RABGAP1L: variants seen among roughly 807,000 people sequenced by gnomAD.
RABGAP1L encodes rab GTPase-activating protein 1-like.
In RABGAP1L, 63 loss-of-function variants were observed where a neutral mutation model predicts 137.7. The ratio of observed to expected loss-of-function variants is 0.46; its 90% CI spans 0.37 to 0.56. The LOEUF is 0.56. RABGAP1L is among the 20% of genes least tolerant of loss of function. RABGAP1L has a pLI of 0.00. For missense variants in RABGAP1L, 1,095 were observed against 1,244.0 expected (o/e 0.88, Z 1.80); for synonymous variants, 431 against 433.7 (o/e 0.99, Z 0.08).
intron 11 of RABGAP1L, among the ~76,000 whole-genome samples, chr1:174,317,366 C>T (rs538151284): frequency 6.9e-4 from 105 of 152,024 alleles, no homozygotes; most frequent in African/African-American, 2.2e-3. Context: ...AGGTGATGAA[C>T]GCTGCTGGGA....
rs943921940 is a variant in RABGAP1L, at chr1:174,893,775, G to A, written c.2341-63682G>A. On this transcript the variant is annotated intron_variant, in intron 19 of 25. Transcript: ENST00000681986. ...GGAGGTTAACTTTTCATACTCAAAA[G>A]CTCTCTTCTGGAAGAATCCTAATAT... is the stretch of plus-strand genomic sequence containing the variant. Among the ~76,000 whole-genome samples, 10 of 152,184 alleles carry A rather than the reference G, an allele frequency of 6.6e-5. No homozygotes were observed. In the East Asian group the frequency reaches 1.7e-3, roughly 26 times the overall value.
At chr1:174,362,133 A>C (rs115600452) in intron 11 of RABGAP1L, among the ~76,000 whole-genome samples, 2,299 of 152,230 alleles carry the variant, frequency 0.015, 29 homozygotes, top group Middle Eastern at 0.065. Context: ...TTATGGCTAC[A>C]TATTATTCCA....
At chr1:174,668,322 A>G (rs1039884178) in intron 14 of RABGAP1L, among the ~76,000 whole-genome samples, 1 of 152,106 alleles carries the variant, frequency 6.6e-6, no homozygotes, top group East Asian at 1.9e-4. Flanking sequence ...AATGAGGTCA[A>G]CTTTTTTTTA....
intron 12 of RABGAP1L, among the ~76,000 whole-genome samples, chr1:174,391,075 A>ACC (rs1687176657): frequency 6.6e-6 from 1 of 152,182 alleles, no homozygotes; most frequent in African/African-American, 2.4e-5. Context: ...AGCCAAGGGA[A>ACC]ACAGATTGGT....
At chr1:174,316,117 A>G (rs903406739) in intron 11 of RABGAP1L, among the ~76,000 whole-genome samples, 2 of 152,130 alleles carry the variant, frequency 1.3e-5, no homozygotes, top group African/African-American at 4.8e-5. Context: ...TTATATTTCT[A>G]TGATAGATTT....
chr1:174,626,171 A>G (rs1399523654), intron 13 of RABGAP1L, among the ~76,000 whole-genome samples: 1 of 152,168 alleles, frequency 6.6e-6, no homozygotes, highest in African/African-American at 2.4e-5. Context: ...GCATATCCAA[A>G]TGTGACCACA....
intron 19 of RABGAP1L, among the ~76,000 whole-genome samples, chr1:174,932,644 G>T (rs188138314): frequency 1.3e-5 from 2 of 152,166 alleles, no homozygotes; most frequent in East Asian, 1.9e-4. Flanking sequence ...ATTTTGTGGC[G>T]AAGTACTTTG....
intron 19 of RABGAP1L, among the ~76,000 whole-genome samples, chr1:174,920,475 C>G (rs1661613542): frequency 6.6e-6 from 1 of 152,202 alleles, no homozygotes; most frequent in Admixed American, 6.5e-5. Flanking sequence ...ATGGGAATTA[C>G]AATTCAAGTG....
At chr1:174,690,677 A>G (rs1678805059) in intron 15 of RABGAP1L, among the ~76,000 whole-genome samples, 1 of 152,196 alleles carries the variant, frequency 6.6e-6, no homozygotes, top group Admixed American at 6.5e-5. Context: ...TGGCTTATAC[A>G]TTGACATTCA....
intron 14 of RABGAP1L, among the ~76,000 whole-genome samples, chr1:174,646,265 T>C (rs944547614): frequency 6.6e-6 from 1 of 152,160 alleles, no homozygotes; most frequent in African/African-American, 2.4e-5. Flanking sequence ...CTTTTGGTGT[T>C]TTAGTTATGA....
chr1:174,299,311 TG>T (rs1474452474), intron 10 of RABGAP1L, among the ~76,000 whole-genome samples: 1 of 152,228 alleles, frequency 6.6e-6, no homozygotes, highest in African/African-American at 2.4e-5. Flanking sequence ...TTGGAGCTCC[TG>T]GACCTGTTAG....
At chr1:174,205,030 A>T (rs1033560040) in intron 1 of RABGAP1L, among the ~76,000 whole-genome samples, 1 of 152,090 alleles carries the variant, frequency 6.6e-6, no homozygotes, top group African/African-American at 2.4e-5. Context: ...TGGACTAATA[A>T]AGGCCTTTTC....
intron 4 of RABGAP1L, among the ~76,000 whole-genome samples, chr1:174,239,693 T>C (rs1671618589): frequency 6.6e-6 from 1 of 152,216 alleles, no homozygotes; most frequent in Non-Finnish European, 1.5e-5. Flanking sequence ...TTCCCTGCTG[T>C]AGCTTCAGTG....
At chr1:174,500,928 A>G (rs1403838535) in intron 13 of RABGAP1L, among the ~76,000 whole-genome samples, 2 of 152,204 alleles carry the variant, frequency 1.3e-5, no homozygotes, top group Non-Finnish European at 2.9e-5. Flanking sequence ...CCTGCCGCTG[A>G]CATTAAAGAC....
intron 13 of RABGAP1L, chr1:174,449,313 A>G: frequency 1.1e-6 from 1 of 884,902 alleles, no homozygotes; most frequent in Non-Finnish European, 1.8e-6. Context: ...CTGTAAAATG[A>G]AGTATGAGAC....
At chr1:174,212,442 C>G (rs1225751283) in intron 1 of RABGAP1L, among the ~76,000 whole-genome samples, 2 of 151,880 alleles carry the variant, frequency 1.3e-5, no homozygotes, top group African/African-American at 4.8e-5. Flanking sequence ...CCTGAATGAC[C>G]AGTGCATCAA....
intron 19 of RABGAP1L, among the ~76,000 whole-genome samples, chr1:174,866,113 GA>G (rs1558165821): frequency 2.2e-3 from 14 of 6,346 alleles, no homozygotes; most frequent in Non-Finnish European, 3.1e-3. Context: ...GGGAGGGGGA[GA>G]GAGAGAGAGA....
At chr1:174,315,006 A>G (rs912147739) in intron 11 of RABGAP1L, among the ~76,000 whole-genome samples, 2 of 152,214 alleles carry the variant, frequency 1.3e-5, no homozygotes, top group Non-Finnish European at 2.9e-5. Context: ...TATGAGGTCC[A>G]TTAGGTCTAT....
At chr1:174,914,758 T>C (rs1308858440) in intron 19 of RABGAP1L, among the ~76,000 whole-genome samples, 2 of 152,142 alleles carry the variant, frequency 1.3e-5, no homozygotes, top group Admixed American at 6.5e-5. Flanking sequence ...GCATCCATCA[T>C]CACATCCAGT....
Sources: gnomAD v4.1 joint callset for allele counts (sites outside exome capture counted in the v4.1 genomes callset) on GRCh38, gnomAD v4.1.1 for gene constraint, MANE v1.5 for transcripts, NCBI Gene and HGNC (gene_info 2026-07-23, HGNC 2026-07-21) for gene names.